TSEN54: variants seen among roughly 807,000 people sequenced by gnomAD.
TSEN54 encodes the protein tRNA-splicing endonuclease subunit Sen54.
TSEN54 carries 55 observed loss-of-function variants against 61.9 expected under a neutral mutation model. The ratio of observed to expected loss-of-function variants is 0.89; its 90% CI spans 0.72 to 1.11. The LOEUF (loss-of-function observed/expected upper bound fraction) is 1.11. Ranked by LOEUF, TSEN54 falls within the 50% of genes most tolerant of loss-of-function variation. The pLI is 0.00. For synonymous variants in TSEN54, 304 were observed against 288.7 expected (o/e 1.05, Z -0.54); for missense variants, 760 against 687.7 (o/e 1.11, Z -1.18).
rs1288881793 is a variant in TSEN54 at position 75,522,007 on chromosome 17, ACAG to A, written c.928_930del (p.Ser310del). 2 of 1,588,142 alleles carry A rather than the reference ACAG, an allele frequency of 1.3e-6. No homozygotes were observed. The highest frequency in any genetic ancestry group is 2.3e-5 in the South Asian group (2 of 88,228). ...ATCTCCTTCCCCAACATGGCTTCAG[ACAG>A]CCGCCACACCCTTCTGCGCGCCCCA... is the stretch of plus-strand genomic sequence containing the variant. On this transcript the variant is annotated inframe_deletion, in exon 8 of 11. Transcript: ENST00000333213.
chr17:75,522,094 G>A lies in TSEN54; in HGVS notation c.1013G>A (p.Cys338Tyr), dbSNP rs1264369098. 1 of 1,583,998 alleles carries A rather than the reference G, an allele frequency of 6.3e-7. No homozygotes were observed. The highest frequency in any genetic ancestry group is 2.3e-5 in the East Asian group (1 of 42,972). Residue 338 changes from cysteine to tyrosine, a missense_variant, in exon 8 of 11, where the codon TGC (cysteine) becomes TAC (tyrosine). Physicochemically the swap from Cys to Tyr is radical, Grantham distance 194. Coordinates refer to ENST00000333213, the MANE Select transcript of TSEN54 (RefSeq NM_207346.3). The stretch of plus-strand genomic sequence containing the variant: ...CGGGAGACAGACGCTGAGTCCTGGT[G>A]CCAGAAGCTGAACCAGCGCAAGGAG... ...AGRETDAESW[C>Y]QKLNQRKEKL...
chr17:75,520,954 CAA>C (rs74269590), intron 6 of TSEN54, among the ~76,000 whole-genome samples: 15 of 94,974 alleles, frequency 1.6e-4, no homozygotes, highest in East Asian at 1.0e-3. Flanking sequence ...GACTGTGTCT[CAA>C]AAAAAAAAAA....
chr17:75,522,526 G>A (rs747768936), intron 8 of TSEN54, 193 bp downstream of exon 8: 11 of 1,458,966 alleles, frequency 7.5e-6, no homozygotes, highest in Non-Finnish European at 9.0e-6. Context: ...GAGATGGTGA[G>A]TCAGGAGAGG....
intron 6 of TSEN54, among the ~76,000 whole-genome samples, chr17:75,520,725 G>A (rs1027727519): frequency 3.0e-4 from 46 of 152,164 alleles, no homozygotes; most frequent in African/African-American, 1.1e-3. Flanking sequence ...GGAGGCCGAG[G>A]CAGGTGGATC....
At chr17:75,518,370 G>A (rs766790166) in intron 5 of TSEN54, 1 of 228,782 alleles carries the variant, frequency 4.4e-6, no homozygotes, top group Non-Finnish European at 7.2e-6. Flanking sequence ...GTGTAGGTTA[G>A]GGGGCAGATA....
At chr17:75,517,406 A>G (rs1409434332) in intron 4 of TSEN54, 151 bp from the exon 5 acceptor site, 3 of 1,140,676 alleles carry the variant, frequency 2.6e-6, no homozygotes, top group East Asian at 4.7e-5. Flanking sequence ...TCCAGTCCAC[A>G]TTAGTGATGC....
At position 75,521,859 on chromosome 17, in the gene TSEN54, C is replaced by T. The variant is rs760669760; in HGVS notation, c.778C>T (p.Leu260Phe). Residue 260 changes from leucine to phenylalanine, a missense_variant, in exon 8 of 11, where the codon CTT becomes TTT. Leu to Phe is a conservative substitution (Grantham distance 22, BLOSUM62 0). This residue lies in a region of TSEN54 where 667 missense variants were observed against 577.8 expected (regional missense o/e 1.15). Transcript: ENST00000333213. The part of the protein sequence containing the change: ...PMKGPGGPFQ[L>F]LGSLGPSPGP... ...GAAGGGCCCAGGGGGCCCCTTTCAG[C>T]TTCTGGGGTCCCTGGGCCCCAGCCC... 3 of 1,611,852 alleles carry T rather than the reference C, an allele frequency of 1.9e-6. No homozygotes were observed. The highest frequency in any genetic ancestry group is 2.2e-5 in the East Asian group (1 of 44,834).
In TSEN54 at chr17:75,516,830, C is replaced by T. The variant is rs1431432956; in HGVS notation, c.141C>T (p.Gly47=). ...SHGPKDFLPD[G]SAAQAERLRR... ...GCCCCAAGGACTTTCTGCCCGACGGCTCGGCAGCTCAGGCCGAGCGGCTGC... is the reference window on the plus strand; with the variant it reads ...GCCCCAAGGACTTTCTGCCCGACGGTTCGGCAGCTCAGGCCGAGCGGCTGC... The change falls in exon 2 of 11, where the codon GGC becomes GGT. Residue 47 remains glycine (G), a synonymous_variant. Transcript: ENST00000333213. 3 of 1,590,292 alleles carry T rather than the reference C, an allele frequency of 1.9e-6. No homozygotes were observed. The highest frequency in any genetic ancestry group is 2.7e-5 in the African/African-American group (2 of 74,528).
At chr17:75,519,677 C>T (rs2053407930) in intron 6 of TSEN54, among the ~76,000 whole-genome samples, 1 of 152,244 alleles carries the variant, frequency 6.6e-6, no homozygotes, top group Non-Finnish European at 1.5e-5. Flanking sequence ...GTTCTCCTGC[C>T]TCAGCCTCCC....
At position 75,522,265 on chromosome 17, in the gene TSEN54, G is replaced by A. The variant is rs1290723242; in HGVS notation, c.1184G>A (p.Arg395His). 3.2e-6 allele frequency: 5 copies of A among 1,546,822 alleles called. No homozygotes were observed. Among genetic ancestry groups the A allele is most frequent in the African/African-American group, 2.7e-5 (2 of 73,104 alleles). The change falls in exon 8 of 11, where the codon CGC becomes CAC. Residue 395 changes from arginine to histidine, a missense_variant. Transcript: ENST00000333213. ...CGGCGGCAGGTGCAGAGGAGCCAGC[G>A]CCGGGCCCCTCACCTGTGGGGCCAG... The part of the protein sequence containing the change: ...LQRRQVQRSQ[R>H]RAPHLWGQPV...
chr17:75,516,858 C>T lies in TSEN54; in HGVS notation c.169C>T (p.Arg57Trp), dbSNP rs935330326. The part of the protein sequence containing the change: ...GSAAQAERLR[R>W]CREELWQLLA... ...GGCAGCTCAGGCCGAGCGGCTGCGC[C>T]GGTGCCGGGAAGAGCTCTGGCAGCT... The change falls in exon 2 of 11, where the codon CGG (arginine) becomes TGG (tryptophan). Residue 57 changes from arginine (R) to tryptophan (W), a missense_variant. Coordinates refer to ENST00000333213, the MANE Select transcript of TSEN54 (RefSeq NM_207346.3). 2.5e-6 allele frequency: 4 copies of T among 1,572,468 alleles called. No homozygotes were observed. Among genetic ancestry groups the T allele is most frequent in the South Asian group, 1.1e-5 (1 of 87,722 alleles).
chr17:75,520,231 T>C (rs2147010869), intron 6 of TSEN54, among the ~76,000 whole-genome samples: 1 of 152,312 alleles, frequency 6.6e-6, no homozygotes, highest in Non-Finnish European at 1.5e-5. Context: ...CTAGAGCAAC[T>C]GTGGGACTGA....
Position 75,516,884 on chromosome 17 carries a change from G to A in TSEN54, c.195G>A (p.Leu65=), listed in dbSNP as rs768783066. 2 of 1,555,686 alleles carry A rather than the reference G, an allele frequency of 1.3e-6. No homozygotes were observed. The highest frequency in any genetic ancestry group is 1.2e-5 in the South Asian group (1 of 86,092). The change falls in exon 2 of 11, where the codon CTG becomes CTA. Residue 65 remains leucine (L), a synonymous_variant. Coordinates refer to ENST00000333213, the MANE Select transcript of TSEN54 (RefSeq NM_207346.3). The part of the protein sequence containing the change: ...LRRCREELWQ[L]LAEQRVERLG... ...GGTGCCGGGAAGAGCTCTGGCAGCT[G>A]CTGGCAGAGCAGCGCGTGGAGCGCC...
In TSEN54 at chr17:75,522,043, A is replaced by C; in HGVS notation, c.962A>C (p.Glu321Ala). 1 of 1,591,022 alleles carries C rather than the reference A, an allele frequency of 6.3e-7. No homozygotes were observed. The highest frequency in any genetic ancestry group is 8.6e-7 in the Non-Finnish European group (1 of 1,169,266). Reference sequence around the variant, plus strand: ...ACCCTTCTGCGCGCCCCAGCCCCAGAGCTGCTCCCGGCCAACGTGGCTGGG... The same window carrying C: ...ACCCTTCTGCGCGCCCCAGCCCCAGCGCTGCTCCCGGCCAACGTGGCTGGG... ...RHTLLRAPAP[E>A]LLPANVAGRE... The change falls in exon 8 of 11, where the codon GAG (glutamate) becomes GCG (alanine). Residue 321 changes from glutamate to alanine, a missense_variant. By Grantham distance (107) the Glu-to-Ala change is moderately radical (BLOSUM62 -1). Around this residue, in one of 3 missense-constraint regions of TSEN54, gnomAD observed 667 missense variants for 577.8 expected, o/e 1.15. Coordinates refer to ENST00000333213, the MANE Select transcript of TSEN54 (RefSeq NM_207346.3).
intron 6 of TSEN54, 61 bp from the exon 7 acceptor site, chr17:75,521,348 C>G (rs754991842): frequency 1.4e-6 from 2 of 1,415,192 alleles, no homozygotes; most frequent in African/African-American, 2.8e-5. Flanking sequence ...CTTACACATC[C>G]CACCAGATCC....
At chr17:75,519,819 C>T (rs112949959) in intron 6 of TSEN54, among the ~76,000 whole-genome samples, 9,157 of 152,064 alleles carry the variant, frequency 0.06, 876 homozygotes, top group African/African-American at 0.2. Context: ...ATGATCCTCC[C>T]GCCTCAGCCT....
Position 75,521,709 on chromosome 17 carries a change from A to G in TSEN54, c.628A>G (p.Ile210Val). ...RKRSSSSPRSINKKAKALDNS... is the reference protein window; with the variant it reads ...RKRSSSSPRSVNKKAKALDNS... ...CTTTTCCCCCACGTCCCTCAGGTCC[A>G]TTAATAAGAAGGCCAAGGCCCTGGA... The change falls in exon 8 of 11, where the codon ATT (isoleucine) becomes GTT (valine). Residue 210 changes from isoleucine to valine, a missense_variant. Coordinates refer to ENST00000333213, the MANE Select transcript of TSEN54 (RefSeq NM_207346.3). 1.2e-6 allele frequency: 2 copies of G among 1,613,134 alleles called. No individual in the cohort carries two copies. Among genetic ancestry groups the G allele is most frequent in the Non-Finnish European group, 1.7e-6 (2 of 1,179,926 alleles).
In TSEN54 at chr17:75,522,298, C is replaced by T. The variant is rs1447960898; in HGVS notation, c.1217C>T (p.Thr406Ile). 6.5e-7 allele frequency: 1 copy of T among 1,546,146 alleles called. No homozygotes were observed. The highest frequency in any genetic ancestry group is 8.7e-7 in the Non-Finnish European group (1 of 1,146,802). Residue 406 changes from threonine (T) to isoleucine (I), a missense_variant, in exon 8 of 11, where the codon ACC becomes ATC. Coordinates refer to ENST00000333213, the MANE Select transcript of TSEN54 (RefSeq NM_207346.3). Reference sequence around the variant, plus strand: ...CCTCACCTGTGGGGCCAGCCCGTCACCCCGCTGCTGAGTCCTGGCCAGGCC... The same window carrying T: ...CCTCACCTGTGGGGCCAGCCCGTCATCCCGCTGCTGAGTCCTGGCCAGGCC... Reference protein sequence around the residue: ...RAPHLWGQPVTPLLSPGQASS... With the variant: ...RAPHLWGQPVIPLLSPGQASS...
chr17:75,518,468 A>C (rs2053396091), intron 5 of TSEN54: 1 of 955,542 alleles, frequency 1.0e-6, no homozygotes, highest in South Asian at 4.8e-5. Flanking sequence ...TCTTTCAAGG[A>C]GGAAGTGGTT....
Sources: gnomAD v4.1 joint callset for allele counts (sites outside exome capture counted in the v4.1 genomes callset) on GRCh38, gnomAD v4.1.1 for gene constraint, gnomAD v4.1.1 regional missense constraint, MANE v1.5 for transcripts, NCBI Gene and HGNC (gene_info 2026-07-23, HGNC 2026-07-21) for gene names.